The following AUTS2 variants were observed in gnomAD, a reference collection of about 807,000 sequenced individuals.
AUTS2 encodes activator of transcription and developmental regulator AUTS2.
A neutral mutation model predicts 112.4 loss-of-function variants in AUTS2; 17 were observed. The observed-to-expected ratio is 0.15, with a 90% CI of 0.10 to 0.23. The LOEUF is 0.23. Among genes scored for constraint, AUTS2 ranks in the 10% least tolerant of loss-of-function variants. The pLI is 1.00. For missense variants in AUTS2, 1,510 were observed against 1,701.6 expected (o/e 0.89, Z 1.98); for synonymous variants, 751 against 702.7 (o/e 1.07, Z -1.09).
intron 2 of AUTS2, among the ~76,000 whole-genome samples, chr7:70,111,695 T>C (rs540043462): frequency 1.3e-5 from 2 of 152,302 alleles, no homozygotes; most frequent in Admixed American, 1.3e-4. Flanking sequence ...TCATTTTTTG[T>C]TTTGTCACCA....
intron 4 of AUTS2, among the ~76,000 whole-genome samples, chr7:70,329,085 A>G (rs945080281): frequency 1.3e-5 from 2 of 152,200 alleles, no homozygotes; most frequent in African/African-American, 2.4e-5. Flanking sequence ...TTGGAGGTTC[A>G]GCCATGTATG....
chr7:70,783,973 C>G (rs748317126), intron 15 of AUTS2: 1 of 152,140 alleles, frequency 6.6e-6, no homozygotes, highest in Non-Finnish European at 1.5e-5. Flanking sequence ...CCTTCAGGAA[C>G]AGGAATAGAG....
intron 1 of AUTS2, among the ~76,000 whole-genome samples, chr7:69,722,156 A>G (rs1798987456): frequency 6.6e-6 from 1 of 151,970 alleles, no homozygotes; most frequent in Admixed American, 6.6e-5. Flanking sequence ...AAGGGCAAAA[A>G]AAAAAAAAAT....
intron 4 of AUTS2, among the ~76,000 whole-genome samples, chr7:70,160,739 T>G (rs1301643282): frequency 6.6e-6 from 1 of 152,230 alleles, no homozygotes; most frequent in Non-Finnish European, 1.5e-5. Context: ...TATCTGACAC[T>G]GGTGAATTGA....
chr7:70,577,823 TTTTC>T (rs1802237985), intron 5 of AUTS2, among the ~76,000 whole-genome samples: 2 of 147,266 alleles, frequency 1.4e-5, no homozygotes, highest in East Asian at 2.0e-4. Flanking sequence ...TTTTTAATTT[TTTTC>T]TTTATTTTTT....
At chr7:69,640,222 A>G (rs1463922803) in intron 1 of AUTS2, among the ~76,000 whole-genome samples, 3 of 151,962 alleles carry the variant, frequency 2.0e-5, no homozygotes, top group East Asian at 1.9e-4. Context: ...GCTGCTAGCA[A>G]TTATTTACAG....
intron 1 of AUTS2, among the ~76,000 whole-genome samples, chr7:69,876,176 C>G (rs1005145866): frequency 1.3e-5 from 2 of 149,940 alleles, no homozygotes; most frequent in Non-Finnish European, 3.0e-5. Context: ...ACCATCCTAA[C>G]GAACACGGTG....
At chr7:70,401,557 C>A (rs142878752) in intron 4 of AUTS2, among the ~76,000 whole-genome samples, 1 of 152,302 alleles carries the variant, frequency 6.6e-6, no homozygotes, top group African/African-American at 2.4e-5. Context: ...CAAAAGGCCA[C>A]TGCATGGAGG....
chr7:70,680,562 C>T (rs1215657189), intron 5 of AUTS2, among the ~76,000 whole-genome samples: 1 of 152,168 alleles, frequency 6.6e-6, no homozygotes, highest in African/African-American at 2.4e-5. Flanking sequence ...GAAATCATTT[C>T]CATGCCTCCT....
chr7:69,868,200 T>C (rs925197277), intron 1 of AUTS2, among the ~76,000 whole-genome samples: 1 of 152,148 alleles, frequency 6.6e-6, no homozygotes, highest in African/African-American at 2.4e-5. Context: ...AATGAAAAGC[T>C]TCTGTTGGCT....
At chr7:69,733,530 AGGGCATACGTT>A (rs1350385278) in intron 1 of AUTS2, among the ~76,000 whole-genome samples, 1 of 152,184 alleles carries the variant, frequency 6.6e-6, no homozygotes, top group African/African-American at 2.4e-5. Flanking sequence ...GGAGTGTTCA[AGGGCATACGTT>A]GGCATCATTT....
At chr7:70,441,918 G>A (rs1046316019) in intron 5 of AUTS2, among the ~76,000 whole-genome samples, 7 of 152,150 alleles carry the variant, frequency 4.6e-5, no homozygotes, top group Non-Finnish European at 7.3e-5. Context: ...CCATCCCTTG[G>A]TTGGCCATGT....
chr7:69,762,241 C>A (rs1406332717), intron 1 of AUTS2, among the ~76,000 whole-genome samples: 2 of 148,062 alleles, frequency 1.4e-5, no homozygotes, highest in Non-Finnish European at 3.0e-5. Context: ...AGGGTTCTTT[C>A]CAGTTCTTTC....
chr7:70,563,759 G>A (rs1232020376), intron 5 of AUTS2, among the ~76,000 whole-genome samples: 1 of 152,178 alleles, frequency 6.6e-6, no homozygotes, highest in African/African-American at 2.4e-5. Flanking sequence ...ATTACAGTGA[G>A]GAAGTGTGCT....
At chr7:70,176,006 A>ACTAT (rs1808967880) in intron 4 of AUTS2, among the ~76,000 whole-genome samples, 1 of 152,134 alleles carries the variant, frequency 6.6e-6, no homozygotes. Flanking sequence ...AAGTAGTATG[A>ACTAT]CTATCTCACA....
intron 1 of AUTS2, among the ~76,000 whole-genome samples, chr7:69,645,870 A>G (rs1024564725): frequency 9.9e-5 from 15 of 152,162 alleles, no homozygotes; most frequent in Non-Finnish European, 2.1e-4. Flanking sequence ...ATAAATACCA[A>G]CGAGCGTTAA....
At chr7:70,077,588 CT>C (rs1803095619) in intron 2 of AUTS2, among the ~76,000 whole-genome samples, 1 of 152,156 alleles carries the variant, frequency 6.6e-6, no homozygotes, top group Non-Finnish European at 1.5e-5. Flanking sequence ...AAATATTGTT[CT>C]TTTACTGATC....
intron 4 of AUTS2, among the ~76,000 whole-genome samples, chr7:70,262,859 G>T (rs1787236729): frequency 6.6e-6 from 1 of 152,018 alleles, no homozygotes; most frequent in Non-Finnish European, 1.5e-5. Flanking sequence ...ACAATTCTGG[G>T]TCACCAAGGG....
chr7:70,484,038 G>C (rs1797890483), intron 5 of AUTS2, among the ~76,000 whole-genome samples: 1 of 152,170 alleles, frequency 6.6e-6, no homozygotes, highest in South Asian at 2.1e-4. Flanking sequence ...AAAAATGCTT[G>C]AATTATTATG....
Sources: allele counts gnomAD v4.1 joint callset (sites outside exome capture counted in the v4.1 genomes callset), GRCh38; gene constraint gnomAD v4.1.1; transcripts MANE v1.5; gene names NCBI Gene and HGNC (gene_info 2026-07-23, HGNC 2026-07-21).